SEMA4D: variants seen among roughly 807,000 people sequenced by gnomAD.
SEMA4D encodes semaphorin 4D, also known as semaphorin-4D.
Under a neutral mutation model 74.8 loss-of-function variants are expected in SEMA4D, and 22 were observed. That is an observed-to-expected ratio of 0.29 (90% confidence interval 0.21 to 0.42). The LOEUF (loss-of-function observed/expected upper bound fraction) is 0.42, where lower values mean the gene tolerates loss of function less well. Ranked by LOEUF, SEMA4D falls within the 10% of genes least tolerant of loss-of-function variation. The pLI is 1.00. For synonymous variants in SEMA4D, 445 were observed against 463.7 expected (o/e 0.96, Z 0.52); for missense variants, 937 against 1,118.4 (o/e 0.84, Z 2.31).
chr9:89,371,763 T>G (rs373823216), intron 16 of SEMA4D, among the ~76,000 whole-genome samples: 15 of 48,816 alleles, frequency 3.1e-4, no homozygotes, highest in East Asian at 1.3e-3. Flanking sequence ...GGTGTGTGTG[T>G]GGGGGGTGTG....
At chr9:89,375,601 CTTCA>C (rs977939678), downstream of SEMA4D, among the ~76,000 whole-genome samples, 1 of 152,186 alleles carries the variant, frequency 6.6e-6, no homozygotes, top group African/African-American at 2.4e-5. Flanking sequence ...TGCTTTTCCT[CTTCA>C]TTAACTTCAT....
chr9:89,404,062 C>A (rs922951179), intron 3 of SEMA4D, among the ~76,000 whole-genome samples: 2 of 152,204 alleles, frequency 1.3e-5, no homozygotes, highest in East Asian at 3.8e-4. Context: ...CTCTCAGCCA[C>A]CTGCAAGCAA....
In SEMA4D at chr9:89,378,874, G is replaced by C. The variant is rs375778627; in HGVS notation, c.2419C>G (p.Pro807Ala). 8.1e-6 allele frequency: 13 copies of C among 1,614,052 alleles called. No individual in the cohort carries two copies. Among genetic ancestry groups the C allele is most frequent in the African/African-American group, 1.3e-5 (1 of 74,916 alleles). ...TAGCCGGTGTCCAGGGCTGGCTTGG[G>C]GTGCTCCCCATTCTGCTGGGAGAAG... ...GSFSQQNGEH[P>A]KPALDTGYET... The change falls in exon 16 of 16, where the codon CCC becomes GCC. Residue 807 changes from proline to alanine, a missense_variant. Coordinates refer to ENST00000422704, the MANE Select transcript of SEMA4D (RefSeq NM_001371194.2).
chr9:89,490,943 C>T (rs1045114808), intron 1 of SEMA4D, among the ~76,000 whole-genome samples: 9 of 152,082 alleles, frequency 5.9e-5, no homozygotes, highest in South Asian at 2.1e-4. Flanking sequence ...ACAGATGATT[C>T]GAAATAAATT....
chr9:89,402,812 A>C, intron 4 of SEMA4D, 59 bp downstream of exon 4: 2 of 1,570,194 alleles, frequency 1.3e-6, no homozygotes, highest in South Asian at 2.2e-5. Flanking sequence ...CAGTGGGGCC[A>C]GGAGAGGCTG....
At chr9:89,482,099 G>A (rs1179571634) in intron 1 of SEMA4D, among the ~76,000 whole-genome samples, 1 of 152,160 alleles carries the variant, frequency 6.6e-6, no homozygotes, top group Admixed American at 6.5e-5. Context: ...CCATGGAGCC[G>A]ACCCAGCTGC....
intron 1 of SEMA4D, among the ~76,000 whole-genome samples, chr9:89,489,406 G>A (rs373488111): frequency 1.8e-4 from 27 of 152,256 alleles, no homozygotes; most frequent in African/African-American, 6.3e-4. Context: ...ATAATCCAGT[G>A]GCATTTAGTA....
intron 2 of SEMA4D, among the ~76,000 whole-genome samples, chr9:89,425,902 C>G (rs933466724): frequency 2.0e-5 from 3 of 152,232 alleles, no homozygotes; most frequent in Non-Finnish European, 2.9e-5. Context: ...GCTTCCTCCT[C>G]CAGGGACACC....
At chr9:89,395,040 GCACA>G (rs1192570374) in intron 6 of SEMA4D, among the ~76,000 whole-genome samples, 1 of 152,140 alleles carries the variant, frequency 6.6e-6, no homozygotes, top group Non-Finnish European at 1.5e-5. Flanking sequence ...ACAGACACGT[GCACA>G]CACACACTCC....
intron 2 of SEMA4D, among the ~76,000 whole-genome samples, chr9:89,407,393 T>G (rs1169737653): frequency 6.6e-6 from 1 of 152,172 alleles, no homozygotes; most frequent in South Asian, 2.1e-4. Flanking sequence ...AAGATAAAAG[T>G]CTCATTCTAA....
At chr9:89,382,209 G>A (rs1377386019) in intron 13 of SEMA4D, among the ~76,000 whole-genome samples, 1 of 152,242 alleles carries the variant, frequency 6.6e-6, no homozygotes, top group Admixed American at 6.5e-5. Context: ...CCCACATGCA[G>A]TGCACCCACC....
chr9:89,489,812 G>C (rs142943834), intron 1 of SEMA4D, among the ~76,000 whole-genome samples: 2 of 152,220 alleles, frequency 1.3e-5, no homozygotes, highest in African/African-American at 4.8e-5. Context: ...GTGAACAGCC[G>C]TGTATAAGTT....
At chr9:89,386,092 C>T (rs1838409443) in intron 13 of SEMA4D, 1 of 985,336 alleles carries the variant, frequency 1.0e-6, no homozygotes, top group Non-Finnish European at 1.2e-6. Context: ...CCCACCTCTC[C>T]ACAGCCTGTA....
At chr9:89,418,548 T>C (rs1846193180) in intron 2 of SEMA4D, 2 of 378,124 alleles carry the variant, frequency 5.3e-6, no homozygotes, top group Admixed American at 1.3e-4. Flanking sequence ...TATGGCATAA[T>C]TACAAGCACT....
chr9:89,434,875 A>C (rs1850057820), intron 2 of SEMA4D, among the ~76,000 whole-genome samples: 1 of 152,206 alleles, frequency 6.6e-6, no homozygotes, highest in Admixed American at 6.5e-5. Flanking sequence ...GGCCCTGTCT[A>C]AAGGGGCCAC....
intron 16 of SEMA4D, among the ~76,000 whole-genome samples, chr9:89,371,988 TGTG>T (rs1835029420): frequency 1.8e-5 from 2 of 110,724 alleles, no homozygotes; most frequent in Non-Finnish European, 3.6e-5. Context: ...GTGTCTGGGG[TGTG>T]GTGTGTGTCT....
At chr9:89,479,360 G>A (rs1390284768) in intron 1 of SEMA4D, among the ~76,000 whole-genome samples, 1 of 152,212 alleles carries the variant, frequency 6.6e-6, no homozygotes, top group Non-Finnish European at 1.5e-5. Context: ...TTTTCGCCCA[G>A]CTCAGCCACC....
intron 9 of SEMA4D, 141 bp from the exon 10 acceptor site, chr9:89,389,188 A>G: frequency 1.3e-6 from 1 of 789,432 alleles, no homozygotes; most frequent in South Asian, 1.7e-5. Context: ...CAGGAGACAG[A>G]TGCCGCAATT....
At chr9:89,410,059 C>T (rs1844179433) in intron 2 of SEMA4D, among the ~76,000 whole-genome samples, 2 of 120,296 alleles carry the variant, frequency 1.7e-5, no homozygotes, top group African/African-American at 3.3e-5. Context: ...AACTGGCTCT[C>T]CACGGGGTGG....
Sources: gnomAD v4.1 joint callset for allele counts (sites outside exome capture counted in the v4.1 genomes callset) on GRCh38, gnomAD v4.1.1 for gene constraint, MANE v1.5 for transcripts, NCBI Gene and HGNC (gene_info 2026-07-23, HGNC 2026-07-21) for gene names.